Variants in MAPK8IP3 observed in about 807,000 individuals in gnomAD.
MAPK8IP3 encodes the protein mitogen-activated protein kinase 8 interacting protein 3, also known as C-Jun-amino-terminal kinase-interacting protein 3.
A neutral mutation model predicts 157.8 loss-of-function variants in MAPK8IP3; 49 were observed. That is an observed-to-expected ratio of 0.31 (90% CI 0.25 to 0.39). The LOEUF (loss-of-function observed/expected upper bound fraction) is 0.39. Among genes scored for constraint, MAPK8IP3 ranks in the 10% least tolerant of loss-of-function variants. The pLI is 1.00. For missense variants in MAPK8IP3, 1,478 were observed against 1,889.4 expected (o/e 0.78, Z 4.04); for synonymous variants, 897 against 777.7 (o/e 1.15, Z -2.55).
intron 8 of MAPK8IP3, among the ~76,000 whole-genome samples, chr16:1,753,246 A>G (rs1433150856): frequency 6.6e-6 from 1 of 152,116 alleles, no homozygotes; most frequent in Non-Finnish European, 1.5e-5. Flanking sequence ...ATTCCATCGA[A>G]TCTCAGACAA....
intron 26 of MAPK8IP3, 100 bp downstream of exon 26, chr16:1,767,397 C>T (rs1248649242): frequency 2.6e-6 from 4 of 1,523,212 alleles, no homozygotes; most frequent in Non-Finnish European, 2.7e-6. Context: ...CTACGTGGGT[C>T]CCATCTCCCC....
At chr16:1,748,489 G>A (rs974704071) in intron 7 of MAPK8IP3, 113 bp from the exon 8 acceptor site, 19 of 1,134,964 alleles carry the variant, frequency 1.7e-5, no homozygotes, top group Non-Finnish European at 2.5e-5. Context: ...GGCCTGCAGG[G>A]CAGTGTGGGC....
rs1234739536 is a variant in MAPK8IP3 at position 1,710,449 on chromosome 16, G to A, written c.318+3792G>A. 6.6e-6 allele frequency among the ~76,000 whole-genome samples: 1 copy of A among 151,998 alleles called. No homozygotes were observed. Among genetic ancestry groups the A allele is most frequent in the Non-Finnish European group, 1.5e-5 (1 of 67,992 alleles). ...GATCATACCACTGCACTCCAGCCTG[G>A]GCAACAAGAGTGAGACTCTGTCTCA... On this transcript the variant is annotated intron_variant, in intron 1 of 31. Transcript: ENST00000610761. The surrounding 1 kb of genome is among the most constrained non-coding windows in gnomAD (Gnocchi z 4.1).
chr16:1,739,402 G>T (rs1342700466), intron 4 of MAPK8IP3, among the ~76,000 whole-genome samples: 1 of 140,914 alleles, frequency 7.1e-6, no homozygotes, highest in Non-Finnish European at 1.5e-5. Flanking sequence ...CCGTGTGACC[G>T]TCCATGTGAG....
In MAPK8IP3 at chr16:1,762,893, C is replaced by T; in HGVS notation, c.1785C>T (p.Pro595=). 1 of 1,613,198 alleles carries T rather than the reference C, an allele frequency of 6.2e-7. No individual in the cohort carries two copies. The highest frequency in any genetic ancestry group is 8.5e-7 in the Non-Finnish European group (1 of 1,179,992). The change falls in exon 16 of 32, where the codon CCC becomes CCT. Residue 595 remains proline (P), a synonymous_variant. Transcript: ENST00000610761. ...SSPPPAKRPY[P]SVNIHYKSPT... ...CCCCTCCGGCCAAGCGCCCCTATCC[C>T]TCGGTGAACATCCACTACAAGTCAC...
In MAPK8IP3 at chr16:1,742,426, G is replaced by T. The variant is rs2040738635; in HGVS notation, c.603-906G>T. Among the ~76,000 whole-genome samples the T allele has an allele frequency of 6.6e-6, 1 of 152,214 alleles. No homozygotes were observed. Among genetic ancestry groups the T allele is most frequent in the Non-Finnish European group, 1.5e-5 (1 of 68,032 alleles). ...AGGCTGTCCCAGGGTCCGTCTTCAG[G>T]TTCGGGGCTCCCTGACAGCAGAGAG... On this transcript the variant is annotated intron_variant, in intron 4 of 31. Transcript: ENST00000610761. This position sits in a 1 kb window ranked among gnomAD's most constrained non-coding sequence, Gnocchi z 5.0.
At chr16:1,729,394 C>G in intron 3 of MAPK8IP3, 93 bp from the exon 4 acceptor site, 1 of 1,355,376 alleles carries the variant, frequency 7.4e-7, no homozygotes, top group East Asian at 2.4e-5. Context: ...TTGATTTCTG[C>G]CTGCACAGGG....
At chr16:1,760,186 G>A (rs1300145979) in intron 11 of MAPK8IP3, 171 bp downstream of exon 11, 30 of 962,490 alleles carry the variant, frequency 3.1e-5, no homozygotes, top group Admixed American at 5.0e-5. Flanking sequence ...GTTTCTTTAC[G>A]AAGCTTGTCT....
intron 5 of MAPK8IP3, chr16:1,745,583 T>C (rs2040914001): frequency 6.6e-6 from 1 of 152,368 alleles, no homozygotes; most frequent in Non-Finnish European, 1.5e-5. Flanking sequence ...CTGCTCATCT[T>C]TTGGGGCTGG....
rs1409759226 is a variant in MAPK8IP3, at chr16:1,729,228, C to T, written c.510+20C>T. On this transcript the variant is annotated intron_variant, in intron 3 of 31. Coordinates refer to ENST00000610761, the MANE Select transcript of MAPK8IP3 (RefSeq NM_001318852.2). ...ACAGAGGTGGGCGCCCAGAGGCAAG[C>T]GCGGAGACGAGGGTTGGAGACAGGG... 1 of 1,613,386 alleles carries T rather than the reference C, an allele frequency of 6.2e-7. No homozygotes were observed. The highest frequency in any genetic ancestry group is 8.5e-7 in the Non-Finnish European group (1 of 1,179,786).
chr16:1,718,871 A>G (rs1404253906), intron 1 of MAPK8IP3, among the ~76,000 whole-genome samples: 1 of 151,804 alleles, frequency 6.6e-6, no homozygotes, highest in Non-Finnish European at 1.5e-5. Flanking sequence ...GTTTTCTCTC[A>G]CCCCAAGTCT....
chr16:1,724,639 G>C lies in MAPK8IP3; in HGVS notation c.401G>C (p.Arg134Pro), dbSNP rs376978493. ...GTGGAGCACTACGAGTTCCAGACGC[G>C]CCAGCTGGAGCTGAAGGCCAAGAAC... The part of the protein sequence containing the change: ...IQVEHYEFQT[R>P]QLELKAKNYA... Residue 134 changes from arginine to proline, a missense_variant, in exon 2 of 32, where the codon CGC becomes CCC. Physicochemically the swap from Arg to Pro is moderately radical, Grantham distance 103. Around this residue, in one of 11 missense-constraint regions of MAPK8IP3, gnomAD observed 65 missense variants for 161.8 expected, o/e 0.40. Coordinates refer to ENST00000610761, the MANE Select transcript of MAPK8IP3 (RefSeq NM_001318852.2). The surrounding 1 kb of genome is among the most constrained non-coding windows in gnomAD (Gnocchi z 4.1). 1 of 1,613,556 alleles carries C rather than the reference G, an allele frequency of 6.2e-7. No homozygotes were observed. Among genetic ancestry groups the C allele is most frequent in the Non-Finnish European group, 8.5e-7 (1 of 1,179,968 alleles).
At chr16:1,739,749 CGT>C (rs1442494983) in intron 4 of MAPK8IP3, among the ~76,000 whole-genome samples, 9 of 87,266 alleles carry the variant, frequency 1.0e-4, no homozygotes, top group African/African-American at 4.7e-5. Flanking sequence ...TGTGACCGTC[CGT>C]GTGTGACCGT....
intron 1 of MAPK8IP3, among the ~76,000 whole-genome samples, chr16:1,719,970 T>C (rs1387556695): frequency 6.6e-6 from 1 of 152,220 alleles, no homozygotes; most frequent in Non-Finnish European, 1.5e-5. Context: ...CACTTAGCAG[T>C]GCATGACCGC....
chr16:1,767,050 C>T (rs2042311992), intron 25 of MAPK8IP3, 79 bp downstream of exon 25: 9 of 1,573,872 alleles, frequency 5.7e-6, no homozygotes, highest in Non-Finnish European at 6.0e-6. Flanking sequence ...CCCGGGGTTC[C>T]AGGCCTCTCC....
Position 1,762,946 on chromosome 16 carries a change from G to A in MAPK8IP3, c.1838G>A (p.Arg613His), listed in dbSNP as rs762025871. The A allele has an allele frequency of 6.8e-6, 11 of 1,612,894 alleles. No individual in the cohort carries two copies. Among genetic ancestry groups the A allele is most frequent in the South Asian group, 5.5e-5 (5 of 91,088 alleles). ...SPTTAGFSQR[R>H]NHAMCPISAG... The stretch of plus-strand genomic sequence containing the variant: ...ACCACTGCCGGCTTCAGCCAGCGCC[G>A]CAACCATGCCATGTGCCCGATCTCG... The change falls in exon 16 of 32, where the codon CGC becomes CAC. Residue 613 changes from arginine to histidine, a missense_variant. Coordinates refer to ENST00000610761, the MANE Select transcript of MAPK8IP3 (RefSeq NM_001318852.2).
Position 1,766,060 on chromosome 16 carries a change from G to A in MAPK8IP3, c.2547G>A (p.Leu849=). ...GADGVLAGIT[L]VGCATRCNVP... is the part of the protein sequence containing the mutation. ...ATGGCGTGCTGGCCGGTATCACCCTGGTGGGCTGTGCCACCCGCTGCAACG... is the reference window on the plus strand; with the variant it reads ...ATGGCGTGCTGGCCGGTATCACCCTAGTGGGCTGTGCCACCCGCTGCAACG... Residue 849 remains leucine (L), a synonymous_variant, in exon 21 of 32, where the codon CTG becomes CTA. Coordinates refer to ENST00000610761, the MANE Select transcript of MAPK8IP3 (RefSeq NM_001318852.2). The A allele has an allele frequency of 6.2e-7, 1 of 1,612,824 alleles. No individual in the cohort carries two copies. The highest frequency in any genetic ancestry group is 8.5e-7 in the Non-Finnish European group (1 of 1,179,942).
At chr16:1,740,408 G>A (rs997992173) in intron 4 of MAPK8IP3, among the ~76,000 whole-genome samples, 2 of 149,708 alleles carry the variant, frequency 1.3e-5, no homozygotes, top group African/African-American at 2.5e-5. Flanking sequence ...CCGTGTGAGC[G>A]TGTGCACACG....
At chr16:1,749,708 C>T (rs2041181570) in intron 8 of MAPK8IP3, among the ~76,000 whole-genome samples, 1 of 152,262 alleles carries the variant, frequency 6.6e-6, no homozygotes, top group Non-Finnish European at 1.5e-5. Context: ...GAGCCTTTCG[C>T]CATGGCCTTG....
Sources: gnomAD v4.1 joint callset for allele counts (sites outside exome capture counted in the v4.1 genomes callset) on GRCh38, gnomAD v4.1.1 for gene constraint, gnomAD v4.1.1 regional missense constraint, Gnocchi (gnomAD v3.1) non-coding constraint, MANE v1.5 for transcripts, NCBI Gene and HGNC (gene_info 2026-07-23, HGNC 2026-07-21) for gene names.